The following ARHGEF38 variants were observed in gnomAD, a reference collection of about 807,000 sequenced individuals.
ARHGEF38 encodes the protein Rho guanine nucleotide exchange factor 38.
ARHGEF38 carries 79 observed loss-of-function variants against 79.9 expected under a neutral mutation model. The ratio of observed to expected loss-of-function variants is 0.99; its 90% CI spans 0.82 to 1.19. The LOEUF is 1.19. ARHGEF38 is among the 50% of genes most tolerant of loss of function. The probability of loss-of-function intolerance (pLI) is 0.00; values close to 1 mark genes in which losing one functional copy is unlikely to be tolerated. For synonymous variants in ARHGEF38, 366 were observed against 328.3 expected (o/e 1.11, Z -1.24); for missense variants, 962 against 907.2 (o/e 1.06, Z -0.78).
chr4:105,645,129 T>A, intron 5 of ARHGEF38, 59 bp from the exon 6 acceptor site: 1 of 1,162,890 alleles, frequency 8.6e-7, no homozygotes, highest in East Asian at 3.0e-5. Flanking sequence ...CACACAAAAA[T>A]GAAAATGTGT....
chr4:105,668,680 AGATAGATAGATAGATAGATAGATAGAT>A (rs1171783185), intron 13 of ARHGEF38, among the ~76,000 whole-genome samples: 2 of 150,824 alleles, frequency 1.3e-5, no homozygotes, highest in African/African-American at 2.5e-5. Context: ...ATAGATAGAT[AGATAGATAGATAGATAGATAGATAGAT>A]GATAGATAGA....
chr4:105,634,559 A>C (rs1010382135), intron 4 of ARHGEF38, among the ~76,000 whole-genome samples: 1 of 152,136 alleles, frequency 6.6e-6, no homozygotes, highest in African/African-American at 2.4e-5. Flanking sequence ...AATGTGAAAG[A>C]TAGCGTGGCT....
chr4:105,567,930 C>A (rs962499126), intron 1 of ARHGEF38, among the ~76,000 whole-genome samples: 1 of 130,376 alleles, frequency 7.7e-6, no homozygotes, highest in Non-Finnish European at 1.6e-5. Context: ...ATCCCTCCCC[C>A]CCTCCCCCCA....
intron 2 of ARHGEF38, among the ~76,000 whole-genome samples, chr4:105,610,137 C>T (rs1279816740): frequency 1.3e-5 from 2 of 151,992 alleles, no homozygotes; most frequent in African/African-American, 4.8e-5. Flanking sequence ...TGTTCTCACT[C>T]GTAAGTGGGA....
intron 6 of ARHGEF38, among the ~76,000 whole-genome samples, chr4:105,645,829 C>T (rs1379586550): frequency 6.6e-6 from 1 of 152,180 alleles, no homozygotes; most frequent in African/African-American, 2.4e-5. Flanking sequence ...CTGGTTCTGG[C>T]ACACAGAGAA....
Position 105,679,767 on chromosome 4 carries a change from A to G in ARHGEF38, c.*1830A>G. On this transcript the variant is annotated 3_prime_UTR_variant, in exon 14 of 14. Transcript: ENST00000420470. ...GACCTTTCTCTTGGTTGATAAAAAC[A>G]TATACAAACCCCTGTCTGTCCAGCT... 1 of 939,768 alleles carries G rather than the reference A, an allele frequency of 1.1e-6. No individual in the cohort carries two copies. The highest frequency in any genetic ancestry group is 1.7e-6 in the Non-Finnish European group (1 of 573,742). The allele number at this position is 939,768 out of a possible 1,614,324, so 58.2% of individuals were successfully genotyped here.
chr4:105,614,052 T>C (rs2110493256), intron 3 of ARHGEF38, among the ~76,000 whole-genome samples: 1 of 152,306 alleles, frequency 6.6e-6, no homozygotes, highest in Admixed American at 6.5e-5. Context: ...ATCAGATATA[T>C]TTATTTTCTT....
chr4:105,555,003 A>G (rs960723517), intron 1 of ARHGEF38, among the ~76,000 whole-genome samples: 2 of 152,180 alleles, frequency 1.3e-5, no homozygotes, highest in African/African-American at 4.8e-5. Context: ...TAGCAAAATA[A>G]AAACAGAAAA....
At position 105,679,945 on chromosome 4, in the gene ARHGEF38, G is replaced by A. The variant is rs1379118302; in HGVS notation, c.*2008G>A. The A allele has an allele frequency of 4.4e-6, 6 of 1,372,142 alleles. No homozygotes were observed. In the South Asian group the frequency reaches 5.8e-5, roughly 13 times the overall value. The allele number at this position is 1,372,142 out of a possible 1,614,324, so 85.0% of individuals were successfully genotyped here. On this transcript the variant is annotated 3_prime_UTR_variant, in exon 14 of 14. Transcript: ENST00000420470. ...AATTACCTCTCTGAAGCCTTTTAGT[G>A]TAATTTCTCTTTGTGACTGTGCAAT...
At chr4:105,560,740 A>G (rs1328582477) in intron 1 of ARHGEF38, among the ~76,000 whole-genome samples, 1 of 152,202 alleles carries the variant, frequency 6.6e-6, no homozygotes, top group African/African-American at 2.4e-5. Flanking sequence ...TCTTACTTAA[A>G]GAAGAAAACT....
chr4:105,552,999 T>C, intron 1 of ARHGEF38, 38 bp downstream of exon 1: 1 of 1,497,816 alleles, frequency 6.7e-7, no homozygotes, highest in Non-Finnish European at 9.0e-7. Context: ...GTTACTGCAC[T>C]CCCAGCTCCA....
At chr4:105,625,535 G>A (rs964745725) in intron 3 of ARHGEF38, among the ~76,000 whole-genome samples, 1 of 152,212 alleles carries the variant, frequency 6.6e-6, no homozygotes, top group Non-Finnish European at 1.5e-5. Context: ...CCAAGAGGTG[G>A]CTGTTATCTT....
At chr4:105,638,335 G>A (rs1273635913) in intron 5 of ARHGEF38, among the ~76,000 whole-genome samples, 1 of 151,962 alleles carries the variant, frequency 6.6e-6, no homozygotes, top group African/African-American at 2.4e-5. Flanking sequence ...TAAAGTGACA[G>A]CAATCATAGA....
intron 10 of ARHGEF38, among the ~76,000 whole-genome samples, chr4:105,660,538 C>A (rs952328201): frequency 3.3e-5 from 5 of 151,652 alleles, no homozygotes; most frequent in African/African-American, 4.8e-5. Context: ...CTTCCGGGTT[C>A]AAGCGATTTT....
chr4:105,629,672 T>C (rs1028623148), intron 3 of ARHGEF38, among the ~76,000 whole-genome samples: 1 of 151,098 alleles, frequency 6.6e-6, no homozygotes, highest in African/African-American at 2.5e-5. Flanking sequence ...TTGGGTTGAG[T>C]AGTGGATGCA....
intron 1 of ARHGEF38, among the ~76,000 whole-genome samples, chr4:105,559,763 A>C (rs556575512): frequency 1.3e-5 from 2 of 151,938 alleles, no homozygotes; most frequent in Non-Finnish European, 2.9e-5. Flanking sequence ...GTGGTTTTTG[A>C]CTGTAATCTA....
chr4:105,619,194 C>G (rs974734831), intron 3 of ARHGEF38, among the ~76,000 whole-genome samples: 1 of 151,950 alleles, frequency 6.6e-6, no homozygotes. Flanking sequence ...CTGGGCTGGC[C>G]TTGCGACTTG....
At chr4:105,566,018 C>T (rs1725868378) in intron 1 of ARHGEF38, among the ~76,000 whole-genome samples, 1 of 152,196 alleles carries the variant, frequency 6.6e-6, no homozygotes, top group African/African-American at 2.4e-5. Context: ...ACTTCACTAC[C>T]CACAGGCTTC....
At chr4:105,557,097 G>A (rs1421227876) in intron 1 of ARHGEF38, among the ~76,000 whole-genome samples, 1 of 152,100 alleles carries the variant, frequency 6.6e-6, no homozygotes, top group Non-Finnish European at 1.5e-5. Flanking sequence ...TTTAGTGGTT[G>A]AGTTGTAAAA....
Sources: gnomAD v4.1 joint callset for allele counts (sites outside exome capture counted in the v4.1 genomes callset) on GRCh38, gnomAD v4.1.1 for gene constraint, MANE v1.5 for transcripts, NCBI Gene and HGNC (gene_info 2026-07-23, HGNC 2026-07-21) for gene names.